The following TTC39B variants were observed in gnomAD, a reference collection of about 807,000 sequenced individuals.
TTC39B encodes tetratricopeptide repeat protein 39B.
Under a neutral mutation model 96.6 loss-of-function variants are expected in TTC39B, and 92 were observed. The observed-to-expected ratio is 0.95, with a 90% CI of 0.80 to 1.13. TTC39B has a LOEUF of 1.13. TTC39B is among the 50% of genes most tolerant of loss of function. The probability of loss-of-function intolerance (pLI) is 0.00; values close to 1 mark genes in which losing one functional copy is unlikely to be tolerated. For synonymous variants in TTC39B, 367 were observed against 299.4 expected (o/e 1.23, Z -2.33); for missense variants, 955 against 809.3 (o/e 1.18, Z -2.18).
At chr9:15,201,270 A>C (rs115878176) in intron 7 of TTC39B, among the ~76,000 whole-genome samples, 1,542 of 152,264 alleles carry the variant, frequency 0.01, 22 homozygotes, top group African/African-American at 0.035. Flanking sequence ...CAAAAAAAAA[A>C]AAACAAACAT....
chr9:15,224,161 TC>T (rs1190377519), intron 3 of TTC39B, among the ~76,000 whole-genome samples: 1 of 152,126 alleles, frequency 6.6e-6, no homozygotes, highest in African/African-American at 2.4e-5. Flanking sequence ...TCTCCCTACT[TC>T]CCCACCTCCC....
At chr9:15,178,371 A>G (rs1818071658) in intron 17 of TTC39B, among the ~76,000 whole-genome samples, 1 of 152,148 alleles carries the variant, frequency 6.6e-6, no homozygotes, top group Non-Finnish European at 1.5e-5. Context: ...CCAGGAGTTC[A>G]GGACCAGCCT....
intron 2 of TTC39B, among the ~76,000 whole-genome samples, chr9:15,265,663 G>A (rs1176390338): frequency 6.6e-6 from 1 of 152,196 alleles, no homozygotes; most frequent in African/African-American, 2.4e-5. Flanking sequence ...GGGAAAAAGG[G>A]CAACTTCACA....
intron 3 of TTC39B, among the ~76,000 whole-genome samples, chr9:15,215,281 T>C (rs1006576430): frequency 6.6e-6 from 1 of 151,848 alleles, no homozygotes; most frequent in Admixed American, 6.6e-5. Flanking sequence ...TGGTGGCTGA[T>C]TACAGGCTCA....
intron 8 of TTC39B, 117 bp downstream of exon 8, chr9:15,199,734 CAAAAAAAAAA>C (rs35361396): frequency 7.4e-4 from 52 of 70,684 alleles, no homozygotes; most frequent in African/African-American, 2.0e-3. Context: ...GACTCCGTCT[CAAAAAAAAAA>C]AAAAAAAAAA....
chr9:15,186,719 C>T (rs1336685999), intron 15 of TTC39B: 8 of 385,524 alleles, frequency 2.1e-5, no homozygotes, highest in Non-Finnish European at 3.3e-5. Context: ...GAGACAGAGT[C>T]TCACTCTGTC....
chr9:15,206,117 G>C (rs1819836598), intron 6 of TTC39B, among the ~76,000 whole-genome samples: 1 of 152,138 alleles, frequency 6.6e-6, no homozygotes. Flanking sequence ...GAAAAGGCAT[G>C]AGAGTTTGAA....
chr9:15,194,086 A>T (rs1007092241), intron 8 of TTC39B, among the ~76,000 whole-genome samples: 1 of 152,172 alleles, frequency 6.6e-6, no homozygotes, highest in South Asian at 2.1e-4. Context: ...TAATAATTGT[A>T]CTGTGCTTCT....
chr9:15,276,335 T>A (rs188763905), intron 1 of TTC39B, among the ~76,000 whole-genome samples: 13 of 152,156 alleles, frequency 8.5e-5, no homozygotes, highest in Admixed American at 1.3e-4. Flanking sequence ...AGTATCCCTA[T>A]AGAAAATCCT....
rs371487633 is a variant in TTC39B at position 15,214,127 on chromosome 9, A to G, written c.482+12T>C. ...GAAAGATATTTTATCTAAAAGAGAC[A>G]AAGTAAATTACCAGGGGCGAAGCAA... is the stretch of plus-strand genomic sequence containing the variant. On this transcript the variant is annotated intron_variant, in intron 4 of 19. Coordinates refer to ENST00000512701, the Ensembl canonical transcript of TTC39B. 6.3e-6 allele frequency: 10 copies of G among 1,589,662 alleles called. No homozygotes were observed. In the African/African-American group the frequency reaches 1.2e-4, roughly 19 times the overall value.
intron 1 of TTC39B, among the ~76,000 whole-genome samples, chr9:15,284,121 A>G (rs1373878151): frequency 6.6e-6 from 1 of 152,242 alleles, no homozygotes; most frequent in Non-Finnish European, 1.5e-5. Context: ...AAAAAGGACA[A>G]AAGATAAAGG....
At chr9:15,218,635 A>AAAAAAAAAAATAT in intron 3 of TTC39B, among the ~76,000 whole-genome samples, 1 of 149,530 alleles carries the variant, frequency 6.7e-6, no homozygotes, top group African/African-American at 2.5e-5. Flanking sequence ...GTCTATTTTA[A>AAAAAAAAAAATAT]ATATATATAT....
rs561504071 is a variant in TTC39B at position 15,226,784 on chromosome 9, G to A, written c.276-772C>T. Among the ~76,000 whole-genome samples, 11 of 152,208 alleles carry A rather than the reference G, an allele frequency of 7.2e-5. No individual in the cohort carries two copies. The East Asian group carries it at 1.9e-3, about 27-fold the overall frequency. On this transcript the variant is annotated intron_variant, in intron 2 of 19. Transcript: ENST00000512701. ...ACAGATATCTGACAGGCACACAATGGGGGCAGGTCCACTCAGAGAAGGAAA... is the reference window on the plus strand; with the variant it reads ...ACAGATATCTGACAGGCACACAATGAGGGCAGGTCCACTCAGAGAAGGAAA...
At chr9:15,295,509 T>C (rs555535115) in intron 1 of TTC39B, among the ~76,000 whole-genome samples, 1 of 152,210 alleles carries the variant, frequency 6.6e-6, no homozygotes, top group Non-Finnish European at 1.5e-5. Context: ...CCCTTCTGCT[T>C]CTTCTGTAGA....
At position 15,178,831 on chromosome 9, in the gene TTC39B, A is replaced by C. The variant is rs559643387; in HGVS notation, c.1724-1017T>G. On this transcript the variant is annotated intron_variant, in intron 17 of 19. Transcript: ENST00000512701. ...GTTGGCTTCAATACAGGAGAGGATA[A>C]CACTTCCATATGGAGAAGCAGATGG... Among the ~76,000 whole-genome samples the C allele has an allele frequency of 6.7e-4, 102 of 152,298 alleles. No homozygotes were observed. In the South Asian group the frequency reaches 0.013, roughly 19 times the overall value.
chr9:15,236,558 A>T (rs1168704699), intron 2 of TTC39B, among the ~76,000 whole-genome samples: 1 of 152,244 alleles, frequency 6.6e-6, no homozygotes, highest in Non-Finnish European at 1.5e-5. Context: ...TCCAGAATCA[A>T]CCATATACTC....
At chr9:15,262,941 G>A (rs1822995361) in intron 2 of TTC39B, among the ~76,000 whole-genome samples, 1 of 152,218 alleles carries the variant, frequency 6.6e-6, no homozygotes, top group Non-Finnish European at 1.5e-5. Flanking sequence ...GAATGTTATA[G>A]TATCACCAAT....
intron 1 of TTC39B, among the ~76,000 whole-genome samples, chr9:15,288,000 C>A (rs929084260): frequency 6.7e-6 from 1 of 148,908 alleles, no homozygotes; most frequent in East Asian, 2.0e-4. Flanking sequence ...TAAGCTAGTA[C>A]CTTTCCTTTG....
intron 7 of TTC39B, among the ~76,000 whole-genome samples, chr9:15,200,748 C>A (rs897867726): frequency 6.6e-6 from 1 of 152,234 alleles, no homozygotes; most frequent in Non-Finnish European, 1.5e-5. Context: ...CGCCTATAAT[C>A]CCAGCACTTT....
Sources: gnomAD v4.1 joint callset for allele counts (sites outside exome capture counted in the v4.1 genomes callset) on GRCh38, gnomAD v4.1.1 for gene constraint, MANE v1.5 for transcripts, NCBI Gene and HGNC (gene_info 2026-07-23, HGNC 2026-07-21) for gene names.